The following ATP2B2 variants were observed in gnomAD, a reference collection of about 807,000 sequenced individuals.
ATP2B2 encodes the protein ATPase plasma membrane Ca2+ transporting 2.
Under a neutral mutation model 120.0 loss-of-function variants are expected in ATP2B2, and 15 were observed. The ratio of observed to expected loss-of-function variants is 0.12; its 90% CI spans 0.08 to 0.19. The LOEUF is 0.19. Ranked by LOEUF, ATP2B2 falls within the 10% of genes least tolerant of loss-of-function variation. ATP2B2 has a pLI of 1.00. For synonymous variants in ATP2B2, 694 were observed against 700.3 expected (o/e 0.99, Z 0.14); for missense variants, 1,045 against 1,719.8 (o/e 0.61, Z 6.94).
chr3:10,353,026 G>A (rs774991710), intron 14 of ATP2B2, among the ~76,000 whole-genome samples: 10 of 152,220 alleles, frequency 6.6e-5, no homozygotes, highest in South Asian at 2.1e-4. Flanking sequence ...TTGCACACCC[G>A]ATGACAGGGT....
chr3:10,486,040 A>T (rs143522779), intron 1 of ATP2B2, among the ~76,000 whole-genome samples: 1 of 152,270 alleles, frequency 6.6e-6, no homozygotes, highest in Non-Finnish European at 1.5e-5. Context: ...GAGGCACCCA[A>T]GTCAGGTGCC....
intron 14 of ATP2B2, among the ~76,000 whole-genome samples, chr3:10,354,571 G>A (rs953690618): frequency 3.9e-5 from 6 of 152,166 alleles, no homozygotes; most frequent in African/African-American, 1.4e-4. Context: ...ATCCCAGACC[G>A]CTGCTCTCCT....
chr3:10,373,662 T>C (rs1159369371), intron 11 of ATP2B2, among the ~76,000 whole-genome samples: 1 of 152,240 alleles, frequency 6.6e-6, no homozygotes, highest in African/African-American at 2.4e-5. Context: ...TTAAGTACAT[T>C]ATTAAAATTA....
At chr3:10,628,352 G>A (rs932098641) in intron 1 of ATP2B2, among the ~76,000 whole-genome samples, 1 of 152,026 alleles carries the variant, frequency 6.6e-6, no homozygotes. Flanking sequence ...AGAGGCAATG[G>A]TGGCCAGACT....
intron 1 of ATP2B2, among the ~76,000 whole-genome samples, chr3:10,633,683 C>T (rs1466404487): frequency 6.6e-6 from 1 of 152,214 alleles, no homozygotes; most frequent in Non-Finnish European, 1.5e-5. Context: ...GGTAGACTAA[C>T]TTAACTTTTA....
chr3:10,439,840 T>C (rs144846037), intron 2 of ATP2B2, among the ~76,000 whole-genome samples: 1 of 124,948 alleles, frequency 8.0e-6, no homozygotes, highest in Non-Finnish European at 1.9e-5. Flanking sequence ...ACTGCAATCT[T>C]TGCCTCCCGG....
At chr3:10,341,131 C>T (rs2060263572) in intron 19 of ATP2B2, among the ~76,000 whole-genome samples, 1 of 152,104 alleles carries the variant, frequency 6.6e-6, no homozygotes. Context: ...GAGACCTCTA[C>T]AAGCTCATGG....
At chr3:10,639,144 T>C (rs960900278) in intron 1 of ATP2B2, among the ~76,000 whole-genome samples, 3 of 152,050 alleles carry the variant, frequency 2.0e-5, no homozygotes, top group Non-Finnish European at 2.9e-5. Flanking sequence ...AAAGAACAAA[T>C]AGATAAATTG....
At chr3:10,639,245 T>G (rs533100720) in intron 1 of ATP2B2, among the ~76,000 whole-genome samples, 1 of 152,332 alleles carries the variant, frequency 6.6e-6, no homozygotes, top group Admixed American at 6.5e-5. Context: ...TCACTCCAGA[T>G]GGCTCCAATG....
At chr3:10,427,940 A>G (rs554906597) in intron 2 of ATP2B2, among the ~76,000 whole-genome samples, 50 of 152,324 alleles carry the variant, frequency 3.3e-4, no homozygotes, top group African/African-American at 1.0e-3. Flanking sequence ...TCATTTCTAT[A>G]TAAGGTCAGT....
At chr3:10,387,256 G>C (rs1234666555) in intron 6 of ATP2B2, among the ~76,000 whole-genome samples, 1 of 152,190 alleles carries the variant, frequency 6.6e-6, no homozygotes, top group Non-Finnish European at 1.5e-5. Context: ...CCATTGTCCT[G>C]CTGGAGGGGC....
intron 1 of ATP2B2, among the ~76,000 whole-genome samples, chr3:10,462,945 C>A (rs1575303469): frequency 6.6e-6 from 1 of 152,128 alleles, no homozygotes; most frequent in South Asian, 2.1e-4. Context: ...CACTGAGGGA[C>A]CTTATGGTCC....
rs541544411 is a variant in ATP2B2, at chr3:10,340,999, T to C, written c.2918-295A>G. On this transcript the variant is annotated intron_variant, in intron 19 of 22. Coordinates refer to ENST00000360273, the MANE Select transcript of ATP2B2 (RefSeq NM_001001331.4). The surrounding 1 kb of genome is among the most constrained non-coding windows in gnomAD (Gnocchi z 5.0). ...CCGGCTGTGTTAAAGGTGGGCGACA[T>C]GGCTTCTAAAAAGTGACCTCAGACT... 2.0e-5 allele frequency among the ~76,000 whole-genome samples: 3 copies of C among 152,260 alleles called. No individual in the cohort carries two copies. In the East Asian group the frequency reaches 5.8e-4, roughly 29 times the overall value.
chr3:10,645,892 CAGA>C (rs1167715992), intron 1 of ATP2B2, among the ~76,000 whole-genome samples: 1 of 152,212 alleles, frequency 6.6e-6, no homozygotes, highest in African/African-American at 2.4e-5. Context: ...CTGTGTGTGA[CAGA>C]AGACCTGTGG....
At chr3:10,654,386 A>G (rs141386396) in intron 1 of ATP2B2, among the ~76,000 whole-genome samples, 138 of 152,268 alleles carry the variant, frequency 9.1e-4, no homozygotes, top group Non-Finnish European at 1.3e-3. Context: ...TATTTGCTCA[A>G]TTAGTGGCTG....
At chr3:10,396,243 C>T (rs1217341769) in intron 5 of ATP2B2, among the ~76,000 whole-genome samples, 1 of 152,248 alleles carries the variant, frequency 6.6e-6, no homozygotes, top group Non-Finnish European at 1.5e-5. Context: ...AAAGGACAGT[C>T]ACACGTGTGC....
intron 18 of ATP2B2, 62 bp downstream of exon 18, chr3:10,345,322 C>G (rs188961616): frequency 6.3e-7 from 1 of 1,588,200 alleles, no homozygotes; most frequent in Non-Finnish European, 8.6e-7. Flanking sequence ...CTAAGGCCCC[C>G]GAGCCTCTGT....
rs145339822 is a variant in ATP2B2 at position 10,674,406 on chromosome 3, T to C, written c.-460+33509A>G. 1.3e-4 allele frequency among the ~76,000 whole-genome samples: 20 copies of C among 152,326 alleles called. 1 individual carries two copies. Among genetic ancestry groups the C allele is most frequent in the South Asian group, 8.3e-4 (4 of 4,826 alleles). On this transcript the variant is annotated intron_variant, in intron 1 of 21. Transcript: ENST00000646379. ...TGGATTGTTCAAATATGTGAGCCAA[T>C]AAATGCTGCAGTTATTTGATTGGAT... is the stretch of plus-strand genomic sequence containing the variant.
At chr3:10,649,612 T>C (rs2070401501) in intron 1 of ATP2B2, among the ~76,000 whole-genome samples, 1 of 152,148 alleles carries the variant, frequency 6.6e-6, no homozygotes, top group Non-Finnish European at 1.5e-5. Flanking sequence ...ATGAGATGGA[T>C]GGGTGAATGG....
Sources: gnomAD v4.1 joint callset for allele counts (sites outside exome capture counted in the v4.1 genomes callset) on GRCh38, gnomAD v4.1.1 for gene constraint, Gnocchi (gnomAD v3.1) non-coding constraint, MANE v1.5 for transcripts, NCBI Gene and HGNC (gene_info 2026-07-23, HGNC 2026-07-21) for gene names.